Variants in RBMS3 observed in about 807,000 individuals in gnomAD.
RBMS3 encodes the protein RNA-binding motif, single-stranded-interacting protein 3.
RBMS3 carries 27 observed loss-of-function variants against 66.8 expected under a neutral mutation model. The ratio of observed to expected loss-of-function variants is 0.40; its 90% confidence interval spans 0.30 to 0.56. The LOEUF (loss-of-function observed/expected upper bound fraction) is 0.56, where lower values mean the gene tolerates loss of function less well. Ranked by LOEUF, RBMS3 falls within the 20% of genes least tolerant of loss-of-function variation. RBMS3 has a pLI of 0.40. For missense variants in RBMS3, 513 were observed against 549.5 expected, an observed-to-expected ratio of 0.93 and a Z score of 0.66; for synonymous variants, 188 against 183.0, an observed-to-expected ratio of 1.03 and a Z score of -0.22.
chr3:29,416,593 A>G (rs1054763948), intron 1 of RBMS3, among the ~76,000 whole-genome samples: 1 of 151,942 alleles, frequency 6.6e-6, no homozygotes, highest in African/African-American at 2.4e-5. Context: ...GCTAAGGGTA[A>G]GTTGGGTAAG....
chr3:29,341,548 C>T (rs557486631), intron 1 of RBMS3, among the ~76,000 whole-genome samples: 24 of 151,920 alleles, frequency 1.6e-4, no homozygotes, highest in Middle Eastern at 6.8e-3. Context: ...TTCAATTTGA[C>T]CAGCAAGGTT....
At chr3:29,415,532 A>T (rs184741867) in intron 1 of RBMS3, among the ~76,000 whole-genome samples, 15 of 152,298 alleles carry the variant, frequency 9.8e-5, no homozygotes, top group Non-Finnish European at 1.6e-4. Flanking sequence ...CATGGGGATG[A>T]AGTGTGAAAA....
At chr3:29,407,343 C>A (rs369541336) in intron 1 of RBMS3, among the ~76,000 whole-genome samples, 76 of 152,266 alleles carry the variant, frequency 5.0e-4, no homozygotes, top group African/African-American at 1.8e-3. Flanking sequence ...ACCTGACTAG[C>A]GACTGAGGTG....
At chr3:29,933,977 T>C (rs1049121274) in intron 10 of RBMS3, 1 of 152,116 alleles carries the variant, frequency 6.6e-6, no homozygotes, top group African/African-American at 2.4e-5. Flanking sequence ...GAATTTTGAT[T>C]GTTCTGTCAC....
chr3:29,916,256 A>T (rs1392949060), intron 10 of RBMS3, among the ~76,000 whole-genome samples: 1 of 151,834 alleles, frequency 6.6e-6, no homozygotes, highest in Admixed American at 6.6e-5. Context: ...CTCTCCATTT[A>T]CTTTTGGTGC....
intron 1 of RBMS3, among the ~76,000 whole-genome samples, chr3:29,380,300 A>G (rs1178412332): frequency 1.3e-5 from 2 of 152,088 alleles, no homozygotes; most frequent in East Asian, 1.9e-4. Context: ...AATATCCTGT[A>G]ATTTTTATAA....
At chr3:29,603,668 AG>A (rs1263830302) in intron 4 of RBMS3, among the ~76,000 whole-genome samples, 16 of 152,098 alleles carry the variant, frequency 1.1e-4, no homozygotes, top group African/African-American at 3.9e-4. Flanking sequence ...GCATATGCAT[AG>A]ACTGCTTAGT....
intron 10 of RBMS3, among the ~76,000 whole-genome samples, chr3:29,924,265 T>G (rs1237749364): frequency 6.6e-6 from 1 of 152,238 alleles, no homozygotes. Context: ...TTTATTATTT[T>G]AATCTGTCTT....
At chr3:29,427,684 ACC>A (rs1035720713) in intron 1 of RBMS3, among the ~76,000 whole-genome samples, 3 of 152,208 alleles carry the variant, frequency 2.0e-5, no homozygotes, top group African/African-American at 7.2e-5. Context: ...CCAGGGCTTT[ACC>A]CTTGAGTGGA....
intron 1 of RBMS3, among the ~76,000 whole-genome samples, chr3:29,389,375 C>G (rs1318599261): frequency 6.6e-6 from 1 of 152,156 alleles, no homozygotes; most frequent in Non-Finnish European, 1.5e-5. Flanking sequence ...CAGAAGTGCG[C>G]TTGGCTTCTC....
Position 29,294,564 on chromosome 3 carries a change from T to C in RBMS3, c.75+12808T>C, listed in dbSNP as rs544103200. 5.3e-5 allele frequency among the ~76,000 whole-genome samples: 8 copies of C among 151,828 alleles called. No homozygotes were observed. In the South Asian group the frequency reaches 1.7e-3, roughly 32 times the overall value. On this transcript the variant is annotated intron_variant, in intron 1 of 14. Transcript: ENST00000383767. Reference sequence around the variant, plus strand: ...AAACTAAGTAGCTAGGATTTGGAACTGGGGGATGAAAGTAAGCAAATATGT... The same window carrying C: ...AAACTAAGTAGCTAGGATTTGGAACCGGGGGATGAAAGTAAGCAAATATGT...
chr3:29,494,815 T>G (rs912387586), intron 3 of RBMS3, among the ~76,000 whole-genome samples: 12 of 152,206 alleles, frequency 7.9e-5, no homozygotes, highest in African/African-American at 2.9e-4. Flanking sequence ...CACCATCATA[T>G]TTCCGACAGG....
chr3:29,761,039 A>G (rs1404617052), intron 5 of RBMS3, among the ~76,000 whole-genome samples: 1 of 147,620 alleles, frequency 6.8e-6, no homozygotes, highest in South Asian at 2.1e-4. Context: ...TTGTCATAGC[A>G]GGATCAGCTA....
intron 10 of RBMS3, among the ~76,000 whole-genome samples, chr3:29,923,105 C>T (rs1376750148): frequency 6.6e-6 from 1 of 152,174 alleles, no homozygotes; most frequent in Admixed American, 6.5e-5. Flanking sequence ...GATTGCCTCT[C>T]CCTTGTAACA....
At chr3:29,642,522 TC>T (rs1163076805) in intron 4 of RBMS3, 2 of 152,110 alleles carry the variant, frequency 1.3e-5, no homozygotes, top group Admixed American at 1.3e-4. Context: ...CATCTTTCTA[TC>T]CCCTTTCCCA....
intron 4 of RBMS3, among the ~76,000 whole-genome samples, chr3:29,700,031 T>C (rs1274094416): frequency 6.9e-6 from 1 of 145,952 alleles, no homozygotes; most frequent in Non-Finnish European, 1.5e-5. Context: ...GGCACCCTAG[T>C]AGTTATATTT....
intron 1 of RBMS3, among the ~76,000 whole-genome samples, chr3:29,313,575 G>A (rs2034503945): frequency 6.6e-6 from 1 of 151,542 alleles, no homozygotes; most frequent in African/African-American, 2.4e-5. Flanking sequence ...AGGGTGGTGT[G>A]GCCACGGCTG....
At chr3:29,962,682 G>C (rs144365266) in intron 12 of RBMS3, among the ~76,000 whole-genome samples, 1 of 151,738 alleles carries the variant, frequency 6.6e-6, no homozygotes, top group Non-Finnish European at 1.5e-5. Context: ...CCAGCTAAGA[G>C]GATTACATCT....
intron 1 of RBMS3, among the ~76,000 whole-genome samples, chr3:29,404,537 A>G (rs770797162): frequency 7.2e-5 from 11 of 152,146 alleles, no homozygotes; most frequent in Admixed American, 2.0e-4. Flanking sequence ...ATATTTCTGT[A>G]GGATTTTCCC....
Sources: allele counts gnomAD v4.1 joint callset (sites outside exome capture counted in the v4.1 genomes callset), GRCh38; gene constraint gnomAD v4.1.1; transcripts MANE v1.5; gene names NCBI Gene and HGNC (gene_info 2026-07-23, HGNC 2026-07-21).